Variants in WDFY3 observed in about 807,000 individuals in gnomAD.
WDFY3 encodes WD repeat and FYVE domain-containing protein 3.
Under a neutral mutation model 409.6 loss-of-function variants are expected in WDFY3, and 66 were observed. The observed-to-expected ratio is 0.16, with a 90% CI of 0.13 to 0.20. The LOEUF (loss-of-function observed/expected upper bound fraction) is 0.20. Among genes scored for constraint, WDFY3 ranks in the 10% least tolerant of loss-of-function variants. The pLI is 1.00. For synonymous variants in WDFY3, 1,521 were observed against 1,537.1 expected (o/e 0.99, Z 0.25); for missense variants, 3,031 against 4,298.1 (o/e 0.71, Z 8.24).
At chr4:84,715,497 G>A (rs912110880) in intron 49 of WDFY3, 114 bp from the exon 50 acceptor site, 55 of 608,094 alleles carry the variant, frequency 9.0e-5, no homozygotes, top group African/African-American at 2.1e-4. Context: ...ATCTGCGGCC[G>A]GGCGCGGTGG....
intron 2 of WDFY3, among the ~76,000 whole-genome samples, chr4:84,919,755 G>T (rs983012986): frequency 1.3e-5 from 2 of 152,068 alleles, no homozygotes; most frequent in Non-Finnish European, 2.9e-5. Flanking sequence ...GTTTCCTGAG[G>T]CCTCCCAGCC....
chr4:84,688,018 C>T (rs1560530472), intron 62 of WDFY3, 68 bp downstream of exon 62: 1 of 1,515,034 alleles, frequency 6.6e-7, no homozygotes, highest in Non-Finnish European at 9.0e-7. Flanking sequence ...CTGAGCCCCA[C>T]CATTTTTAAT....
At chr4:84,779,708 G>A (rs1160511178) in intron 26 of WDFY3, among the ~76,000 whole-genome samples, 1 of 152,172 alleles carries the variant, frequency 6.6e-6, no homozygotes, top group Non-Finnish European at 1.5e-5. Flanking sequence ...GAAGGAAACA[G>A]GGAGAGCCCT....
At chr4:84,779,422 CTTT>C (rs772133851) in intron 26 of WDFY3, among the ~76,000 whole-genome samples, 1 of 140,492 alleles carries the variant, frequency 7.1e-6, no homozygotes. Context: ...ATAAATGCTG[CTTT>C]TTTTTTTTTT....
At chr4:84,914,766 G>A (rs1045128835) in intron 2 of WDFY3, among the ~76,000 whole-genome samples, 2 of 152,144 alleles carry the variant, frequency 1.3e-5, no homozygotes, top group Non-Finnish European at 2.9e-5. Flanking sequence ...AGCCACTGTG[G>A]AAAGCAAGTT....
chr4:84,790,961 A>T (rs1748413783), intron 21 of WDFY3, among the ~76,000 whole-genome samples: 1 of 152,188 alleles, frequency 6.6e-6, no homozygotes, highest in African/African-American at 2.4e-5. Context: ...TGTTGACACA[A>T]GTGTTGGCAA....
At chr4:84,683,421 A>G (rs1480796169) in intron 63 of WDFY3, among the ~76,000 whole-genome samples, 4 of 152,218 alleles carry the variant, frequency 2.6e-5, no homozygotes, top group Non-Finnish European at 5.9e-5. Flanking sequence ...ACAGACTACA[A>G]AAGTGAATAC....
At position 84,670,408 on chromosome 4, in the gene WDFY3, G is replaced by A. The variant is rs1376405654; in HGVS notation, c.*2460C>T. 6.6e-6 allele frequency: 1 copy of A among 152,644 alleles called. No individual in the cohort carries two copies. Among genetic ancestry groups the A allele is most frequent in the Admixed American group, 6.5e-5 (1 of 15,284 alleles). The allele number at this position is 152,644 out of a possible 1,614,324, so 9.5% of individuals were successfully genotyped here. A position where few individuals can be genotyped will look rare whatever the true frequency, so the allele number is the denominator to read the frequency against. ...TGTATGTGAGTGTACTTGTATGTGTGAGTGATTCTGTTGATTTCTGCATTA... is the reference window on the plus strand; with the variant it reads ...TGTATGTGAGTGTACTTGTATGTGTAAGTGATTCTGTTGATTTCTGCATTA... On this transcript the variant is annotated 3_prime_UTR_variant, in exon 68 of 68. Coordinates refer to ENST00000295888, the MANE Select transcript of WDFY3 (RefSeq NM_014991.6).
intron 45 of WDFY3, 36 bp downstream of exon 45, chr4:84,726,824 AG>A: frequency 6.4e-7 from 1 of 1,569,928 alleles, no homozygotes; most frequent in Non-Finnish European, 8.6e-7. Flanking sequence ...CAAAACTACA[AG>A]TAGTTTACAT....
At chr4:84,875,141 G>A (rs1017538355) in intron 3 of WDFY3, among the ~76,000 whole-genome samples, 5 of 151,770 alleles carry the variant, frequency 3.3e-5, no homozygotes, top group Non-Finnish European at 5.9e-5. Context: ...GGTGGCACGC[G>A]CCTGTAGTCC....
At chr4:84,710,640 C>T (rs558355146) in intron 51 of WDFY3, among the ~76,000 whole-genome samples, 23 of 152,320 alleles carry the variant, frequency 1.5e-4, no homozygotes, top group African/African-American at 5.1e-4. Flanking sequence ...CATGATCACT[C>T]TTCAACATCG....
chr4:84,849,847 C>T (rs563700553), intron 5 of WDFY3, 55 bp downstream of exon 5: 1 of 1,595,632 alleles, frequency 6.3e-7, no homozygotes, highest in African/African-American at 1.4e-5. Flanking sequence ...GGGACTTTTA[C>T]AGAACTGCTT....
At chr4:84,946,292 T>C (rs1772820455) in intron 1 of WDFY3, among the ~76,000 whole-genome samples, 1 of 152,216 alleles carries the variant, frequency 6.6e-6, no homozygotes. Context: ...ATTTCCTTAA[T>C]AGTCACTGGT....
rs1263303639 is a variant in WDFY3 at position 84,847,718 on chromosome 4, G to A, written c.304+2184C>T. 3.6e-5 allele frequency among the ~76,000 whole-genome samples: 5 copies of A among 138,288 alleles called. No homozygotes were observed. The Middle Eastern group carries it at 0.012, about 327-fold the overall frequency. The allele number at this position is 138,288 out of a possible 152,430, so 90.7% of individuals were successfully genotyped here. ...GAACCCAGGAGGCAGAGGTTGCAGT[G>A]AGCTGAGATCGCGCCACTGCACTCC... On this transcript the variant is annotated intron_variant, in intron 5 of 67. Transcript: ENST00000295888.
In WDFY3 at chr4:84,821,367, T is replaced by C. The variant is rs148774595; in HGVS notation, c.1308A>G (p.Lys436=). 154 of 1,613,810 alleles carry C rather than the reference T, an allele frequency of 9.5e-5. No homozygotes were observed. The African/African-American group carries it at 1.9e-3, about 19-fold the overall frequency. ...AGTATTTGTTTTGTACTTCTGGGAG[T>C]TTAGAAATCTTCTCTGCAAACTGTG... ...TLSQFAEKIS[K]LPEVQNKYFE... Residue 436 remains lysine, a synonymous_variant, in exon 11 of 68, where the codon AAA becomes AAG. Coordinates refer to ENST00000295888, the MANE Select transcript of WDFY3 (RefSeq NM_014991.6).
chr4:84,797,317 G>A (rs1749631195), intron 18 of WDFY3, among the ~76,000 whole-genome samples: 1 of 151,874 alleles, frequency 6.6e-6, no homozygotes, highest in Non-Finnish European at 1.5e-5. Flanking sequence ...TATAAAAAGG[G>A]TAACAATTTC....
intron 21 of WDFY3, among the ~76,000 whole-genome samples, chr4:84,794,273 C>G (rs1328543952): frequency 6.6e-6 from 1 of 152,148 alleles, no homozygotes; most frequent in Non-Finnish European, 1.5e-5. Flanking sequence ...CTAGGAAAAG[C>G]TGTGATTTCT....
chr4:84,783,534 A>G (rs1481783506), intron 24 of WDFY3, among the ~76,000 whole-genome samples: 1 of 152,170 alleles, frequency 6.6e-6, no homozygotes, highest in East Asian at 1.9e-4. Context: ...GTTAAACACA[A>G]TTTACTGAGA....
At chr4:84,831,111 G>A (rs1470988868) in intron 8 of WDFY3, among the ~76,000 whole-genome samples, 1 of 151,332 alleles carries the variant, frequency 6.6e-6, no homozygotes, top group Non-Finnish European at 1.5e-5. Context: ...GCTTGAACCC[G>A]GGAGGATGGA....
Sources: allele counts gnomAD v4.1 joint callset (sites outside exome capture counted in the v4.1 genomes callset), GRCh38; gene constraint gnomAD v4.1.1; transcripts MANE v1.5; gene names NCBI Gene and HGNC (gene_info 2026-07-23, HGNC 2026-07-21).